The following USP49 variants were observed in gnomAD, a reference collection of about 807,000 sequenced individuals.
The protein encoded by USP49 is ubiquitin carboxyl-terminal hydrolase 49.
Under a neutral mutation model 58.6 loss-of-function variants are expected in USP49, and 24 were observed. The observed-to-expected ratio is 0.41, with a 90% CI of 0.30 to 0.58. The LOEUF (loss-of-function observed/expected upper bound fraction) is 0.58. USP49 is among the 20% of genes least tolerant of loss of function. USP49 has a pLI of 0.30. For synonymous variants in USP49, 408 were observed against 365.1 expected (o/e 1.12, Z -1.34); for missense variants, 703 against 866.1 (o/e 0.81, Z 2.36).
At chr6:41,822,382 C>G (rs1366787766) in intron 3 of USP49, among the ~76,000 whole-genome samples, 1 of 152,170 alleles carries the variant, frequency 6.6e-6, no homozygotes, top group African/African-American at 2.4e-5. Context: ...AATGGATCCT[C>G]AAGATTAGAT....
chr6:41,801,893 C>T (rs920646319), intron 5 of USP49, among the ~76,000 whole-genome samples: 7 of 152,184 alleles, frequency 4.6e-5, no homozygotes, highest in Non-Finnish European at 1.0e-4. Flanking sequence ...TATCTGACAA[C>T]CAAAGAACAA....
chr6:41,849,611 CTTT>C (rs1286120146), intron 3 of USP49, among the ~76,000 whole-genome samples: 1 of 143,014 alleles, frequency 7.0e-6, no homozygotes. Flanking sequence ...TCTTTTCTTT[CTTT>C]TTTTTTTTTT....
At chr6:41,821,105 C>G (rs1773445047) in intron 3 of USP49, among the ~76,000 whole-genome samples, 2 of 152,140 alleles carry the variant, frequency 1.3e-5, no homozygotes, top group South Asian at 4.2e-4. Flanking sequence ...AAGCTATTCA[C>G]AAATTAGATA....
rs373056101 is a variant in USP49 at position 41,827,675 on chromosome 6, CAAAAAAAAA to C, written c.-28-20673_-28-20665del. 8.7e-5 allele frequency among the ~76,000 whole-genome samples: 8 copies of C among 92,326 alleles called. No homozygotes were observed. The Admixed American group carries it at 9.9e-4, about 11-fold the overall frequency. 60.6% of individuals were successfully genotyped at this position (92,326 alleles called of 152,430 possible). A position where few individuals can be genotyped will look rare whatever the true frequency, so the allele number is the denominator to read the frequency against. ...GGGCAATACAGCAAGACTCTGTCTCCAAAAAAAAAAAAAAAAAAAAAATTTGCCTGGGTC... is the reference window on the plus strand; with the variant it reads ...GGGCAATACAGCAAGACTCTGTCTCCAAAAAAAAAAAAATTTGCCTGGGTC... On this transcript the variant is annotated intron_variant, in intron 3 of 7. Transcript: ENST00000682992.
At chr6:41,807,159 T>A in intron 3 of USP49, 148 bp from the exon 4 acceptor site, 1 of 929,080 alleles carries the variant, frequency 1.1e-6, no homozygotes, top group Non-Finnish European at 1.4e-6. Flanking sequence ...ATTGGTTCCT[T>A]TGAAAGTTAA....
At position 41,799,906 on chromosome 6, in the gene USP49, C is replaced by G; in HGVS notation, c.1594G>C (p.Val532Leu). Residue 532 changes from valine (V) to leucine (L), a missense_variant, in exon 6 of 8, where the codon GTT (valine) becomes CTT (leucine). This residue lies in a region of USP49 where 158 missense variants were observed against 241.2 expected (regional missense o/e 0.66). Coordinates refer to ENST00000682992, the MANE Select transcript of USP49 (RefSeq NM_001286554.2). Reference sequence around the variant, plus strand: ...AACTGCTTTCTAGCTTCACTCAGAACAAGGGGTTTGGGATTGGATTTTCGT... The same window carrying G: ...AACTGCTTTCTAGCTTCACTCAGAAGAAGGGGTTTGGGATTGGATTTTCGT... ...KRRKSNPKPL[V>L]LSEARKQLMI... is the part of the protein sequence containing the mutation. 1 of 1,614,114 alleles carries G rather than the reference C, an allele frequency of 6.2e-7. No individual in the cohort carries two copies. Among genetic ancestry groups the G allele is most frequent in the African/African-American group, 1.3e-5 (1 of 75,034 alleles).
intron 3 of USP49, among the ~76,000 whole-genome samples, chr6:41,859,480 C>A (rs892077442): frequency 6.6e-6 from 1 of 152,148 alleles, no homozygotes; most frequent in African/African-American, 2.4e-5. Context: ...TCTCCGAGCA[C>A]GTGTGTACTT....
intron 3 of USP49, among the ~76,000 whole-genome samples, chr6:41,867,735 G>A (rs1420124047): frequency 6.6e-6 from 1 of 152,142 alleles, no homozygotes; most frequent in Non-Finnish European, 1.5e-5. Flanking sequence ...CTGGGCGACA[G>A]AGCAAGACTC....
intron 2 of USP49, among the ~76,000 whole-genome samples, chr6:41,878,090 T>A (rs1165142924): frequency 6.6e-6 from 1 of 152,158 alleles, no homozygotes. Flanking sequence ...CCAAAAGAGC[T>A]GCAAAGATCA....
At chr6:41,849,403 T>G (rs1243974594) in intron 3 of USP49, among the ~76,000 whole-genome samples, 1 of 151,794 alleles carries the variant, frequency 6.6e-6, no homozygotes, top group African/African-American at 2.4e-5. Flanking sequence ...AGACAGAAGA[T>G]CAACATGGAA....
intron 3 of USP49, among the ~76,000 whole-genome samples, chr6:41,833,160 G>A (rs1053578896): frequency 3.3e-5 from 5 of 151,816 alleles, no homozygotes; most frequent in African/African-American, 1.2e-4. Flanking sequence ...GGGACTACAG[G>A]TGCCCGCCAC....
intron 3 of USP49, among the ~76,000 whole-genome samples, chr6:41,824,869 A>T (rs939123846): frequency 1.3e-5 from 2 of 152,230 alleles, no homozygotes; most frequent in African/African-American, 4.8e-5. Context: ...GCAAAAATAT[A>T]AAGGGGGCCT....
chr6:41,884,249 T>G (rs536915189), intron 2 of USP49, among the ~76,000 whole-genome samples: 2 of 152,262 alleles, frequency 1.3e-5, no homozygotes, highest in South Asian at 4.1e-4. Context: ...GGTTTCGAAC[T>G]CCTGACCTCG....
At position 41,802,183 on chromosome 6, in the gene USP49, TTTTG is replaced by T. The variant is rs1225920405; in HGVS notation, c.1561+1619_1561+1622del. 3.3e-5 allele frequency among the ~76,000 whole-genome samples: 5 copies of T among 151,550 alleles called. No homozygotes were observed. In the East Asian group the frequency reaches 9.6e-4, roughly 29 times the overall value. ...ATGATATCGAGCATAACTTTGTGGT[TTTTG>T]TTTTTGTTTTTATTTTCCCTAAAAG... On this transcript the variant is annotated intron_variant, in intron 5 of 7. Transcript: ENST00000682992.
intron 4 of USP49, 131 bp downstream of exon 4, chr6:41,805,497 G>A: frequency 1.0e-6 from 1 of 987,346 alleles, no homozygotes; most frequent in Non-Finnish European, 1.5e-6. Flanking sequence ...AGGTATAATG[G>A]CCACCCTCCA....
intron 3 of USP49, among the ~76,000 whole-genome samples, chr6:41,842,765 T>C (rs1308069598): frequency 6.6e-6 from 1 of 152,094 alleles, no homozygotes; most frequent in East Asian, 1.9e-4. Flanking sequence ...TAATACATTT[T>C]TCATAAGTTA....
chr6:41,814,644 A>G (rs936558972), intron 3 of USP49, among the ~76,000 whole-genome samples: 8 of 129,612 alleles, frequency 6.2e-5, no homozygotes, highest in African/African-American at 2.0e-4. Flanking sequence ...AAATAGGGGG[A>G]AAAAAAGAGG....
intron 3 of USP49, among the ~76,000 whole-genome samples, chr6:41,810,757 G>C (rs1314899836): frequency 6.6e-6 from 1 of 151,518 alleles, no homozygotes; most frequent in African/African-American, 2.4e-5. Context: ...ATGTTGGCCA[G>C]GCTGGTCTTG....
At chr6:41,818,443 T>C (rs933209578) in intron 3 of USP49, among the ~76,000 whole-genome samples, 1 of 152,086 alleles carries the variant, frequency 6.6e-6, no homozygotes, top group Non-Finnish European at 1.5e-5. Flanking sequence ...GAGAACCAGA[T>C]TGGCTGGGTA....
Sources: gnomAD v4.1 joint callset for allele counts (sites outside exome capture counted in the v4.1 genomes callset) on GRCh38, gnomAD v4.1.1 for gene constraint, gnomAD v4.1.1 regional missense constraint, MANE v1.5 for transcripts, NCBI Gene and HGNC (gene_info 2026-07-23, HGNC 2026-07-21) for gene names.